Variants in GABRB1 observed in about 807,000 individuals in gnomAD.
The protein encoded by GABRB1 is gamma-aminobutyric acid type A receptor subunit beta1, also known as gamma-aminobutyric acid receptor subunit beta-1.
Under a neutral mutation model 51.6 loss-of-function variants are expected in GABRB1, and 17 were observed. The observed-to-expected ratio is 0.33, with a 90% CI of 0.23 to 0.49. The LOEUF is 0.49. Among genes scored for constraint, GABRB1 ranks in the 20% least tolerant of loss-of-function variants. GABRB1 has a pLI of 0.99. For synonymous variants in GABRB1, 247 were observed against 218.9 expected (o/e 1.13, Z -1.14); for missense variants, 410 against 600.6 (o/e 0.68, Z 3.32).
At chr4:47,279,925 G>GT (rs577361243) in intron 4 of GABRB1, among the ~76,000 whole-genome samples, 157 of 145,674 alleles carry the variant, frequency 1.1e-3, no homozygotes, top group South Asian at 2.2e-3. Flanking sequence ...TTGGGTCTTG[G>GT]TTTTTTTTTT....
intron 4 of GABRB1, among the ~76,000 whole-genome samples, chr4:47,261,599 T>A (rs1409890355): frequency 9.9e-5 from 15 of 151,926 alleles, no homozygotes; most frequent in Non-Finnish European, 1.0e-4. Context: ...ATCAATATCG[T>A]GAAAATGGCC....
At chr4:47,251,138 G>A (rs1721971978) in intron 4 of GABRB1, among the ~76,000 whole-genome samples, 1 of 152,144 alleles carries the variant, frequency 6.6e-6, no homozygotes, top group South Asian at 2.1e-4. Context: ...CCCATAGGGT[G>A]TTCCCTTGAT....
chr4:47,055,578 A>C (rs1165461808), intron 3 of GABRB1, among the ~76,000 whole-genome samples: 1 of 152,166 alleles, frequency 6.6e-6, no homozygotes, highest in Non-Finnish European at 1.5e-5. Flanking sequence ...AACAGATCCC[A>C]CCATAGCAGA....
intron 4 of GABRB1, among the ~76,000 whole-genome samples, chr4:47,301,523 A>G (rs867806185): frequency 4.0e-4 from 60 of 151,778 alleles, no homozygotes; most frequent in South Asian, 2.3e-3. Flanking sequence ...AGTCCCAGCT[A>G]CTTGGGAGAC....
chr4:47,310,497 T>C (rs935960639), intron 4 of GABRB1, among the ~76,000 whole-genome samples: 12 of 152,330 alleles, frequency 7.9e-5, no homozygotes, highest in Middle Eastern at 3.4e-3. Context: ...AAACTTTTAA[T>C]ATTTGTGCTT....
intron 3 of GABRB1, among the ~76,000 whole-genome samples, chr4:47,104,668 C>A (rs1309285452): frequency 1.3e-5 from 2 of 151,796 alleles, no homozygotes; most frequent in African/African-American, 4.8e-5. Context: ...TTCTGTTGAC[C>A]TGTCTTCAAG....
At chr4:47,189,524 C>T (rs1242459237) in intron 4 of GABRB1, among the ~76,000 whole-genome samples, 1 of 151,728 alleles carries the variant, frequency 6.6e-6, no homozygotes, top group African/African-American at 2.4e-5. Flanking sequence ...AAGTAGAATT[C>T]TAAGTAGAAT....
chr4:47,350,183 T>TTATATATATA (rs367708916), intron 5 of GABRB1, among the ~76,000 whole-genome samples: 22 of 87,720 alleles, frequency 2.5e-4, no homozygotes, highest in South Asian at 1.5e-3. Context: ...TGGGCTCAGA[T>TTATATATATA]TATATATATA....
At chr4:47,135,262 G>A (rs938913529) in intron 3 of GABRB1, among the ~76,000 whole-genome samples, 5 of 152,112 alleles carry the variant, frequency 3.3e-5, no homozygotes, top group Non-Finnish European at 5.9e-5. Flanking sequence ...ATTTTATTTT[G>A]GTAAGCTTTA....
intron 7 of GABRB1, 85 bp downstream of exon 7, chr4:47,403,796 T>C: frequency 1.5e-6 from 2 of 1,345,222 alleles, no homozygotes; most frequent in South Asian, 2.7e-5. Context: ...GCAAGGGCTC[T>C]CTTATAGCAA....
At chr4:47,398,283 C>A (rs981633824) in intron 5 of GABRB1, among the ~76,000 whole-genome samples, 4 of 152,176 alleles carry the variant, frequency 2.6e-5, no homozygotes, top group African/African-American at 9.6e-5. Context: ...TCAGTTAATT[C>A]TTTGGAGTTT....
At chr4:47,321,713 C>T (rs952279147) in intron 5 of GABRB1, among the ~76,000 whole-genome samples, 1 of 152,132 alleles carries the variant, frequency 6.6e-6, no homozygotes, top group African/African-American at 2.4e-5. Flanking sequence ...AGAAGGATAA[C>T]TCATGGATTT....
At chr4:47,323,721 A>G (rs1725162408) in intron 5 of GABRB1, among the ~76,000 whole-genome samples, 1 of 152,152 alleles carries the variant, frequency 6.6e-6, no homozygotes, top group Non-Finnish European at 1.5e-5. Flanking sequence ...TCCCATCACA[A>G]TCTCAAGGCT....
chr4:47,375,554 G>A lies in GABRB1; in HGVS notation c.545-27764G>A, dbSNP rs1727347589. On this transcript the variant is annotated intron_variant, in intron 5 of 8. Transcript: ENST00000295454. ...CTATCATTTGTTGGTGGGGAGATGC[G>A]TTCTGCTCCACAGAATCACTCAACG... Among the ~76,000 whole-genome samples, 6 of 152,146 alleles carry A rather than the reference G, an allele frequency of 3.9e-5. No homozygotes were observed. The South Asian group carries it at 1.2e-3, about 32-fold the overall frequency.
intron 4 of GABRB1, among the ~76,000 whole-genome samples, chr4:47,306,907 G>A (rs1427752346): frequency 1.3e-5 from 2 of 152,098 alleles, no homozygotes; most frequent in African/African-American, 4.8e-5. Context: ...TACTCATTTT[G>A]CTTTTACAAG....
chr4:47,364,640 G>A (rs1726917655), intron 5 of GABRB1, among the ~76,000 whole-genome samples: 1 of 151,200 alleles, frequency 6.6e-6, no homozygotes, highest in Non-Finnish European at 1.5e-5. Context: ...ATTTAAACAT[G>A]AAAGAAGGAT....
rs10525795 is a variant in GABRB1 at position 47,155,916 on chromosome 4, CATATATATAT to C, written c.241-5312_241-5303del. ...TACTCATACTAAAAAGAGGTATTTT[CATATATATAT>C]ATATATATATATATATATATGAAAC... is the stretch of plus-strand genomic sequence containing the variant. On this transcript the variant is annotated intron_variant, in intron 3 of 8. Transcript: ENST00000295454. Among the ~76,000 whole-genome samples the C allele has an allele frequency of 1.2e-3, 90 of 73,626 alleles. 5 individuals carry two copies. The highest frequency in any genetic ancestry group is 2.1e-3 in the Non-Finnish European group (67 of 32,342). 48.3% of individuals were successfully genotyped at this position (73,626 alleles called of 152,430 possible). A position where few individuals can be genotyped will look rare whatever the true frequency, so the allele number is the denominator to read the frequency against.
At chr4:47,016,966 A>G (rs1724766875) in intron 1 of GABRB1, among the ~76,000 whole-genome samples, 3 of 152,334 alleles carry the variant, frequency 2.0e-5, no homozygotes, top group South Asian at 4.1e-4. Flanking sequence ...ACTAGGTGCT[A>G]AAATATCCAA....
intron 5 of GABRB1, among the ~76,000 whole-genome samples, chr4:47,355,020 C>T (rs1232466659): frequency 2.6e-5 from 3 of 113,530 alleles, no homozygotes; most frequent in Non-Finnish European, 3.4e-5. Flanking sequence ...GAATCTCTCT[C>T]TGTCACCCAG....
Sources: allele counts gnomAD v4.1 joint callset (sites outside exome capture counted in the v4.1 genomes callset), GRCh38; gene constraint gnomAD v4.1.1; transcripts MANE v1.5; gene names NCBI Gene and HGNC (gene_info 2026-07-23, HGNC 2026-07-21).